The following NBEAL1 variants were observed in gnomAD, a reference collection of about 807,000 sequenced individuals.
The protein encoded by NBEAL1 is neurobeachin-like protein 1.
Under a neutral mutation model 351.3 loss-of-function variants are expected in NBEAL1, and 273 were observed. The observed-to-expected ratio is 0.78, with a 90% CI of 0.70 to 0.86. NBEAL1 has a LOEUF of 0.86. Ranked by LOEUF, NBEAL1 falls within the 40% of genes least tolerant of loss-of-function variation. The pLI is 0.00. For missense variants in NBEAL1, 2,961 were observed against 3,201.3 expected (o/e 0.92, Z 1.81); for synonymous variants, 1,050 against 1,086.4 (o/e 0.97, Z 0.66).
intron 51 of NBEAL1, among the ~76,000 whole-genome samples, chr2:203,206,395 T>TCTCTCC (rs1189183938): frequency 1.5e-4 from 23 of 151,888 alleles, no homozygotes; most frequent in East Asian, 7.7e-4. Flanking sequence ...TCCCTCTCCC[T>TCTCTCC]CTCTCCCTCT....
At chr2:203,023,562 TA>T in intron 2 of NBEAL1, among the ~76,000 whole-genome samples, 1 of 152,024 alleles carries the variant, frequency 6.6e-6, no homozygotes, top group South Asian at 2.1e-4. Flanking sequence ...AAGTGTGGAG[TA>T]TAATGTGCAG....
At chr2:203,018,682 G>A (rs980732440) in intron 2 of NBEAL1, among the ~76,000 whole-genome samples, 2 of 152,062 alleles carry the variant, frequency 1.3e-5, no homozygotes, top group African/African-American at 4.8e-5. Flanking sequence ...ACCAAGTAGA[G>A]ATGTTATAGT....
chr2:203,127,802 A>G lies in NBEAL1; in HGVS notation c.3270A>G (p.Glu1090=). The G allele has an allele frequency of 6.6e-7, 1 of 1,513,700 alleles. No homozygotes were observed. Among genetic ancestry groups the G allele is most frequent in the Non-Finnish European group, 9.0e-7 (1 of 1,113,414 alleles). 93.8% of individuals were successfully genotyped at this position (1,513,700 alleles called of 1,614,324 possible). A position where few individuals can be genotyped will look rare whatever the true frequency, so the allele number is the denominator to read the frequency against. The change falls in exon 24 of 56, where the codon GAA becomes GAG. Residue 1090 remains glutamate (E), a synonymous_variant. Coordinates refer to ENST00000683969, the MANE Select transcript of NBEAL1 (RefSeq NM_001378026.1). ...TCAGGAATGGTTGTAAATATAATGA[A>G]CTATCTCTAGATGATATTCGAACAA... ...IYYGNGCKYN[E]LSLDDIRTIR...
rs779292356 is a variant in NBEAL1 at position 203,166,425 on chromosome 2, A to T, written c.5863+128A>T. 6.6e-5 allele frequency: 56 copies of T among 843,714 alleles called. No individual in the cohort carries two copies. In the Middle Eastern group the frequency reaches 2.1e-3, roughly 31 times the overall value. 52.3% of individuals were successfully genotyped at this position (843,714 alleles called of 1,614,324 possible). A position where few individuals can be genotyped will look rare whatever the true frequency, so the allele number is the denominator to read the frequency against. ...TGAAGGGAGAAATGGAAAGTCAGTA[A>T]GGGGTCAAATTTGTTATTCACCAAG... On this transcript the variant is annotated intron_variant, in intron 37 of 55. Coordinates refer to ENST00000683969, the MANE Select transcript of NBEAL1 (RefSeq NM_001378026.1).
intron 35 of NBEAL1, among the ~76,000 whole-genome samples, chr2:203,157,377 T>G (rs2063822993): frequency 6.6e-6 from 1 of 152,132 alleles, no homozygotes; most frequent in South Asian, 2.1e-4. Context: ...GAATATTTCT[T>G]CCTTTGACTT....
intron 39 of NBEAL1, among the ~76,000 whole-genome samples, 180 bp downstream of exon 39, chr2:203,170,031 C>G (rs550120217): frequency 7.2e-5 from 11 of 152,292 alleles, no homozygotes; most frequent in Admixed American, 2.0e-4. Flanking sequence ...CCTGCCACCT[C>G]CTGTATCATT....
intron 25 of NBEAL1, 76 bp from the exon 26 acceptor site, chr2:203,131,897 A>T: frequency 2.9e-6 from 3 of 1,036,980 alleles, no homozygotes. Context: ...AATGTTAATA[A>T]GTTAACATTT....
At chr2:203,123,372 T>C (rs2062870903) in intron 19 of NBEAL1, among the ~76,000 whole-genome samples, 5 of 151,270 alleles carry the variant, frequency 3.3e-5, no homozygotes, top group Admixed American at 2.6e-4. Context: ...AGAGTTTTGC[T>C]GTCGCCCTGG....
intron 54 of NBEAL1, 30 bp from the exon 55 acceptor site, chr2:203,213,488 T>C: frequency 6.3e-7 from 1 of 1,577,208 alleles, no homozygotes; most frequent in African/African-American, 1.3e-5. Context: ...ATCCGTGTAA[T>C]TATGTCTGTA....
intron 2 of NBEAL1, among the ~76,000 whole-genome samples, chr2:203,030,704 T>C (rs2060936459): frequency 6.6e-6 from 1 of 152,176 alleles, no homozygotes; most frequent in Admixed American, 6.5e-5. Flanking sequence ...TAGAAAGACT[T>C]CATATGTTGA....
chr2:203,138,116 T>G, intron 29 of NBEAL1, 46 bp from the exon 30 acceptor site: 1 of 1,594,526 alleles, frequency 6.3e-7, no homozygotes, highest in South Asian at 1.1e-5. Flanking sequence ...TCCTACTGTT[T>G]TTCTAAGCTC....
At chr2:203,063,938 GA>G (rs1258848156) in intron 6 of NBEAL1, among the ~76,000 whole-genome samples, 1 of 151,706 alleles carries the variant, frequency 6.6e-6, no homozygotes, top group African/African-American at 2.4e-5. Context: ...TGGAGTTGGG[GA>G]AAAAAAACAC....
intron 21 of NBEAL1, 83 bp from the exon 22 acceptor site, chr2:203,126,474 G>A (rs2062938853): frequency 1.8e-6 from 2 of 1,081,892 alleles, no homozygotes; most frequent in South Asian, 2.6e-5. Context: ...CTTAGTAGAT[G>A]TTCTGATTAA....
At chr2:203,063,436 C>T (rs1415968039) in intron 6 of NBEAL1, among the ~76,000 whole-genome samples, 1 of 132,974 alleles carries the variant, frequency 7.5e-6, no homozygotes, top group Admixed American at 7.7e-5. Flanking sequence ...GATGGCAAAA[C>T]CTGAAAGAAA....
chr2:203,166,623 T>C (rs549149309), intron 37 of NBEAL1, among the ~76,000 whole-genome samples: 27 of 152,328 alleles, frequency 1.8e-4, no homozygotes, highest in African/African-American at 3.6e-4. Context: ...CTCGGCTCAC[T>C]GAGACCTCTG....
chr2:203,167,208 A>G lies in NBEAL1; in HGVS notation c.5864-19A>G, dbSNP rs2064160009. Reference sequence around the variant, plus strand: ...AACTTTATATGGTATCTCAGTCACAAGATTTCTTCCGTTTTCAGGAGTAGG... The same window carrying G: ...AACTTTATATGGTATCTCAGTCACAGGATTTCTTCCGTTTTCAGGAGTAGG... On this transcript the variant is annotated intron_variant, in intron 37 of 55. Transcript: ENST00000683969. The G allele has an allele frequency of 6.3e-7, 1 of 1,595,524 alleles. No individual in the cohort carries two copies. Among genetic ancestry groups the G allele is most frequent in the South Asian group, 1.1e-5 (1 of 87,594 alleles).
intron 6 of NBEAL1, among the ~76,000 whole-genome samples, chr2:203,060,217 A>C (rs568876557): frequency 2.2e-4 from 33 of 152,332 alleles, no homozygotes; most frequent in African/African-American, 7.9e-4. Flanking sequence ...ATGGGGAGAG[A>C]AGATTTATAA....
rs11355179 is a variant in NBEAL1, at chr2:203,128,262, C to CTT, written c.3405+347_3405+348dup. 4.2e-5 allele frequency among the ~76,000 whole-genome samples: 4 copies of CTT among 94,910 alleles called. 1 individual carries two copies. The highest frequency in any genetic ancestry group is 1.3e-4 in the African/African-American group (3 of 23,266). The allele number at this position is 94,910 out of a possible 152,430, so 62.3% of individuals were successfully genotyped here. A position where few individuals can be genotyped will look rare whatever the true frequency, so the allele number is the denominator to read the frequency against. ...CCCCCACACTGAGCTAATTTTTTGC[C>CTT]TTTTTTTTTTTTTTTTTTTTTTTCC... On this transcript the variant is annotated intron_variant, in intron 24 of 55. Transcript: ENST00000683969.
chr2:203,215,611 C>T (rs2065882919), intron 55 of NBEAL1, among the ~76,000 whole-genome samples: 2 of 151,994 alleles, frequency 1.3e-5, no homozygotes, highest in Non-Finnish European at 2.9e-5. Context: ...TCGCTTGAAC[C>T]CAGGAGGCGC....
Sources: gnomAD v4.1 joint callset for allele counts (sites outside exome capture counted in the v4.1 genomes callset) on GRCh38, gnomAD v4.1.1 for gene constraint, MANE v1.5 for transcripts, NCBI Gene and HGNC (gene_info 2026-07-23, HGNC 2026-07-21) for gene names.